WDR27: variants seen among roughly 807,000 people sequenced by gnomAD.
WDR27 encodes the protein WD repeat domain 27.
Under a neutral mutation model 114.4 loss-of-function variants are expected in WDR27, and 100 were observed. The observed-to-expected ratio is 0.87, with a 90% CI of 0.74 to 1.03. The LOEUF is 1.03. Ranked by LOEUF, WDR27 falls within the 50% of genes least tolerant of loss-of-function variation. WDR27 has a pLI of 0.00. For synonymous variants in WDR27, 449 were observed against 423.1 expected, an observed-to-expected ratio of 1.06 and a Z score of -0.75; for missense variants, 1,129 against 1,092.9, an observed-to-expected ratio of 1.03 and a Z score of -0.47.
chr6:169,607,649 C>A (rs1417003151), intron 22 of WDR27, among the ~76,000 whole-genome samples: 1 of 151,916 alleles, frequency 6.6e-6, no homozygotes, highest in Non-Finnish European at 1.5e-5. Context: ...GAAGGGGATG[C>A]AGGAAGAAAA....
At chr6:169,520,819 C>T (rs2865095) in intron 25 of WDR27, among the ~76,000 whole-genome samples, 136,327 of 152,064 alleles carry the variant, frequency 0.9, 62,129 homozygotes, top group African/African-American at 0.94. Context: ...AGACAGGTTA[C>T]CTGAAATACA....
At chr6:169,697,876 C>T (rs1417697905) in intron 1 of WDR27, among the ~76,000 whole-genome samples, 1 of 152,140 alleles carries the variant, frequency 6.6e-6, no homozygotes, top group African/African-American at 2.4e-5. Context: ...GTAGTGGTCC[C>T]CCGGGCCCAG....
chr6:169,472,798 G>T (rs1269229679), intron 25 of WDR27, among the ~76,000 whole-genome samples: 1 of 152,084 alleles, frequency 6.6e-6, no homozygotes, highest in Non-Finnish European at 1.5e-5. Flanking sequence ...ATTTCATGTT[G>T]GAGTGAAACT....
chr6:169,481,121 C>G (rs1787982847), intron 25 of WDR27, among the ~76,000 whole-genome samples: 1 of 151,708 alleles, frequency 6.6e-6, no homozygotes, highest in South Asian at 2.1e-4. Context: ...ATGTACCAAT[C>G]AGCACTCTGT....
At chr6:169,589,282 C>T (rs957877858) in intron 23 of WDR27, among the ~76,000 whole-genome samples, 2 of 152,186 alleles carry the variant, frequency 1.3e-5, no homozygotes, top group Non-Finnish European at 2.9e-5. Flanking sequence ...TGGACACTGA[C>T]CTTTTGCCAG....
chr6:169,660,748 G>A lies in WDR27; in HGVS notation c.1044C>T (p.Thr348=). The stretch of plus-strand genomic sequence containing the variant: ...CTGAGCTTCCGATCCACACACATCG[G>A]GTGTTCTCAGAAGAAAGACTGATTT... ...SACGCLSSEN[T]RCVWIGSSVG... The change falls in exon 10 of 26, where the codon ACC becomes ACT. Residue 348 remains threonine (T), a synonymous_variant. Coordinates refer to ENST00000448612, the MANE Select transcript of WDR27 (RefSeq NM_182552.5). The A allele has an allele frequency of 6.2e-7, 1 of 1,613,704 alleles. No homozygotes were observed. The highest frequency in any genetic ancestry group is 1.1e-5 in the South Asian group (1 of 91,088).
rs774149502 is a variant in WDR27 at position 169,688,841 on chromosome 6, C to G, written c.165G>C (p.Trp55Cys). 2 of 1,610,606 alleles carry G rather than the reference C, an allele frequency of 1.2e-6. No homozygotes were observed. Among genetic ancestry groups the G allele is most frequent in the Admixed American group, 3.4e-5 (2 of 59,320 alleles). Residue 55 changes from tryptophan to cysteine, a missense_variant, in exon 2 of 26, where the codon TGG (tryptophan) becomes TGC (cysteine). Trp to Cys is a radical substitution (Grantham distance 215, BLOSUM62 -2). Coordinates refer to ENST00000448612, the MANE Select transcript of WDR27 (RefSeq NM_182552.5). Reference protein sequence around the residue: ...FPLDGTELCIWNTKDPSHQLL... With the variant: ...FPLDGTELCICNTKDPSHQLL... Reference sequence around the variant, plus strand: ...CCTGATGAGAAGGATCCTTAGTGTTCCATATACAAAGTTCAGTTCCATCCA... The same window carrying G: ...CCTGATGAGAAGGATCCTTAGTGTTGCATATACAAAGTTCAGTTCCATCCA...
chr6:169,632,169 C>T (rs1257257611), intron 21 of WDR27, among the ~76,000 whole-genome samples: 3 of 133,184 alleles, frequency 2.3e-5, no homozygotes, highest in African/African-American at 8.7e-5. Flanking sequence ...GCCTGGGTGA[C>T]AGAGCGAGAG....
chr6:169,484,051 A>G (rs1166136125), intron 25 of WDR27, among the ~76,000 whole-genome samples: 1 of 152,158 alleles, frequency 6.6e-6, no homozygotes, highest in East Asian at 1.9e-4. Flanking sequence ...ATCTATGACA[A>G]ACCCACAGCC....
At chr6:169,689,258 C>T in intron 1 of WDR27, 1 of 353,640 alleles carries the variant, frequency 2.8e-6, no homozygotes, top group South Asian at 4.6e-5. Context: ...TCAAATACCA[C>T]TATTCCCACT....
rs1264410005 is a variant in WDR27 at position 169,701,887 on chromosome 6, C to G, written c.-344G>C. 3 of 337,118 alleles carry G rather than the reference C, an allele frequency of 8.9e-6. No individual in the cohort carries two copies. Among genetic ancestry groups the G allele is most frequent in the Admixed American group, 4.3e-5 (1 of 23,024 alleles). The allele number at this position is 337,118 out of a possible 1,614,324, so 20.9% of individuals were successfully genotyped here. On this transcript the variant is annotated 5_prime_UTR_variant, in exon 1 of 26. Coordinates refer to ENST00000448612, the MANE Select transcript of WDR27 (RefSeq NM_182552.5). Reference sequence around the variant, plus strand: ...AGCAGCAGCTCGGGTTCGGCGCCGACTCCGCGCCGAGACCAGCCCGCTAGG... The same window carrying G: ...AGCAGCAGCTCGGGTTCGGCGCCGAGTCCGCGCCGAGACCAGCCCGCTAGG...
chr6:169,443,806 TC>T, the WDR27 span, among the ~76,000 whole-genome samples: 1 of 152,154 alleles, frequency 6.6e-6, no homozygotes, highest in Admixed American at 6.5e-5. Context: ...ATAGAAGACT[TC>T]ATGTATACTA....
chr6:169,582,673 G>A (rs926334713), intron 24 of WDR27, among the ~76,000 whole-genome samples, 163 bp downstream of exon 24: 4 of 151,796 alleles, frequency 2.6e-5, no homozygotes, highest in Non-Finnish European at 4.4e-5. Context: ...TCTCTCTCTC[G>A]CCAATAAAAA....
At chr6:169,599,918 T>A (rs1291949366) in intron 23 of WDR27, among the ~76,000 whole-genome samples, 1 of 152,170 alleles carries the variant, frequency 6.6e-6, no homozygotes, top group African/African-American at 2.4e-5. Flanking sequence ...AATTTCCCTC[T>A]ACACACTGCT....
downstream of WDR27, among the ~76,000 whole-genome samples, chr6:169,453,912 C>G (rs557994037): frequency 6.6e-5 from 10 of 152,290 alleles, no homozygotes; most frequent in East Asian, 1.7e-3. Context: ...AGAACTATCT[C>G]AGACAAAAAA....
chr6:169,685,435 T>C (rs1782659820), intron 2 of WDR27, among the ~76,000 whole-genome samples: 2 of 152,050 alleles, frequency 1.3e-5, no homozygotes, highest in African/African-American at 2.4e-5. Context: ...AGAATACAGA[T>C]AGACAATTCA....
At chr6:169,482,300 T>C (rs947957988) in intron 25 of WDR27, among the ~76,000 whole-genome samples, 5 of 152,240 alleles carry the variant, frequency 3.3e-5, no homozygotes, top group Admixed American at 6.5e-5. Context: ...TTATATTCCT[T>C]TGGGTATATA....
intron 25 of WDR27, among the ~76,000 whole-genome samples, chr6:169,563,670 G>A (rs1584243765): frequency 6.6e-6 from 1 of 152,286 alleles, no homozygotes; most frequent in African/African-American, 2.4e-5. Flanking sequence ...TAAGATATAA[G>A]TTTAATCAAA....
intron 23 of WDR27, among the ~76,000 whole-genome samples, chr6:169,601,046 G>A (rs1203540672): frequency 6.6e-6 from 1 of 152,152 alleles, no homozygotes; most frequent in East Asian, 1.9e-4. Flanking sequence ...AGGAAAAAAT[G>A]TTAAGGGCAG....
Sources: allele counts gnomAD v4.1 joint callset (sites outside exome capture counted in the v4.1 genomes callset), GRCh38; gene constraint gnomAD v4.1.1; transcripts MANE v1.5; gene names NCBI Gene and HGNC (gene_info 2026-07-23, HGNC 2026-07-21).